PTPRB: variants seen among roughly 807,000 people sequenced by gnomAD.
PTPRB encodes protein tyrosine phosphatase receptor type B, also known as receptor-type tyrosine-protein phosphatase beta.
A neutral mutation model predicts 238.1 loss-of-function variants in PTPRB; 97 were observed. The observed-to-expected ratio is 0.41, with a 90% CI of 0.35 to 0.48. The LOEUF (loss-of-function observed/expected upper bound fraction) is 0.48. PTPRB is among the 20% of genes least tolerant of loss of function. The probability of loss-of-function intolerance (pLI) is 0.30; values close to 1 mark genes in which losing one functional copy is unlikely to be tolerated. For synonymous variants in PTPRB, 970 were observed against 995.4 expected, an observed-to-expected ratio of 0.97 and a Z score of 0.48; for missense variants, 2,292 against 2,681.9, an observed-to-expected ratio of 0.85 and a Z score of 3.21.
At chr12:70,630,267 T>A (rs558795142) in intron 2 of PTPRB, among the ~76,000 whole-genome samples, 1 of 152,140 alleles carries the variant, frequency 6.6e-6, no homozygotes, top group South Asian at 2.1e-4. Flanking sequence ...GTTCAACATA[T>A]GCAAATCAAT....
intron 3 of PTPRB, among the ~76,000 whole-genome samples, chr12:70,611,737 A>T (rs2583996): frequency 0.19 from 29,271 of 152,186 alleles, 4,085 homozygotes; most frequent in African/African-American, 0.38. Context: ...GTTAACAAAC[A>T]CTCAAAGAAG....
In PTPRB at chr12:70,626,296, C is replaced by CATCCATCTATCTATCT. The variant is rs1340352590; in HGVS notation, c.452-3651_452-3650insAGATAGATAGATGGAT. Among the ~76,000 whole-genome samples the CATCCATCTATCTATCT allele has an allele frequency of 4.4e-5, 4 of 91,940 alleles. No homozygotes were observed. In the East Asian group the frequency reaches 1.3e-3, roughly 30 times the overall value. 60.3% of individuals were successfully genotyped at this position (91,940 alleles called of 152,430 possible). On this transcript the variant is annotated intron_variant, in intron 2 of 33. Coordinates refer to ENST00000334414, the MANE Select transcript of PTPRB (RefSeq NM_001109754.4). ...TAGAAAAGGATGATGTCTATCCATC[C>CATCCATCTATCTATCT]ATCTATCTATCTATCTATCTATCTA...
At chr12:70,544,843 A>C (rs541846907) in intron 21 of PTPRB, among the ~76,000 whole-genome samples, 180 bp from the exon 22 acceptor site, 2 of 152,174 alleles carry the variant, frequency 1.3e-5, no homozygotes, top group Non-Finnish European at 2.9e-5. Context: ...ATAAATATTT[A>C]TTGAGCCCCT....
In PTPRB at chr12:70,587,224, T is replaced by A; in HGVS notation, c.2094A>T (p.Glu698Asp). Residue 698 changes from glutamate to aspartate, a missense_variant, in exon 9 of 34, where the codon GAA (glutamate) becomes GAT (aspartate). By Grantham distance (45) the Glu-to-Asp change is conservative (BLOSUM62 2). Around this residue, in one of 4 missense-constraint regions of PTPRB, gnomAD observed 1,205 missense variants for 1,287.8 expected, o/e 0.94. Coordinates refer to ENST00000334414, the MANE Select transcript of PTPRB (RefSeq NM_001109754.4). ...TCTGCCACATGATACTCAGTGAGGT[T>A]TCATTGGCATGTTTGACACGAAGCT... ...VLQLRVKHAN[E>D]TSLSIMWQTP... 1 of 1,613,884 alleles carries A rather than the reference T, an allele frequency of 6.2e-7. No homozygotes were observed. The highest frequency in any genetic ancestry group is 8.5e-7 in the Non-Finnish European group (1 of 1,179,812).
At chr12:70,529,413 C>T (rs412394) in intron 32 of PTPRB, among the ~76,000 whole-genome samples, 55,039 of 151,918 alleles carry the variant, frequency 0.36, 10,395 homozygotes, top group East Asian at 0.53. Flanking sequence ...ATTTACAATA[C>T]GATAACCTCC....
At chr12:70,572,676 G>A (rs61930309) in intron 11 of PTPRB, among the ~76,000 whole-genome samples, 28,229 of 150,936 alleles carry the variant, frequency 0.19, 2,761 homozygotes, top group South Asian at 0.21. Context: ...GGCTGAGATG[G>A]AAGAATCACT....
chr12:70,602,662 G>C (rs181796200), intron 4 of PTPRB, among the ~76,000 whole-genome samples: 21 of 152,296 alleles, frequency 1.4e-4, no homozygotes, highest in Admixed American at 1.1e-3. Flanking sequence ...GATGTGCAGT[G>C]GGGGAGTGGG....
rs1317144966 is a variant in PTPRB at position 70,521,046 on chromosome 12, GC to G, written c.*442del. The G allele has an allele frequency of 1.3e-5, 2 of 154,210 alleles. No homozygotes were observed. The highest frequency in any genetic ancestry group is 4.8e-5 in the African/African-American group (2 of 41,466). 9.6% of individuals were successfully genotyped at this position (154,210 alleles called of 1,614,324 possible). A position where few individuals can be genotyped will look rare whatever the true frequency, so the allele number is the denominator to read the frequency against. ...TCGAGATTCATGGGACAGCAATGCA[GC>G]AAATCTAGCCATAGTATTTGCTCTC... On this transcript the variant is annotated 3_prime_UTR_variant, in exon 34 of 34. Coordinates refer to ENST00000334414, the MANE Select transcript of PTPRB (RefSeq NM_001109754.4).
chr12:70,591,947 T>C (rs1882530125), intron 7 of PTPRB: 1 of 298,776 alleles, frequency 3.3e-6, no homozygotes, highest in East Asian at 7.7e-5. Context: ...TAAAATAATG[T>C]ATGGAAAACA....
intron 12 of PTPRB, 62 bp from the exon 13 acceptor site, chr12:70,571,351 A>C: frequency 7.0e-7 from 1 of 1,433,474 alleles, no homozygotes; most frequent in Middle Eastern, 1.8e-4. Flanking sequence ...CCTACATAAT[A>C]ATTTATGAAT....
intron 2 of PTPRB, 99 bp from the exon 3 acceptor site, chr12:70,622,745 A>C: frequency 7.5e-7 from 1 of 1,338,892 alleles, no homozygotes; most frequent in Non-Finnish European, 1.0e-6. Flanking sequence ...CTTTTCAATA[A>C]TGGGCATGTG....
At chr12:70,590,838 A>C (rs1882417783) in intron 7 of PTPRB, among the ~76,000 whole-genome samples, 1 of 147,588 alleles carries the variant, frequency 6.8e-6, no homozygotes, top group African/African-American at 2.5e-5. Context: ...GCCTTTGCTT[A>C]TTTTGTCCCC....
chr12:70,524,618 G>T, intron 32 of PTPRB, 27 bp from the exon 33 acceptor site: 1 of 1,596,300 alleles, frequency 6.3e-7, no homozygotes, highest in Non-Finnish European at 8.5e-7. Context: ...ACATGTCAGA[G>T]GAGGGCCTGT....
chr12:70,553,117 C>T, intron 20 of PTPRB, 97 bp from the exon 21 acceptor site: 1 of 1,369,702 alleles, frequency 7.3e-7, no homozygotes, highest in Non-Finnish European at 1.0e-6. Flanking sequence ...TCCACATCCA[C>T]TATCTCTGGC....
chr12:70,579,913 C>G (rs1449220847), intron 10 of PTPRB, among the ~76,000 whole-genome samples: 3 of 151,968 alleles, frequency 2.0e-5, no homozygotes, highest in Non-Finnish European at 2.9e-5. Context: ...ATGATGCCTG[C>G]AGCTGATAAA....
chr12:70,533,809 G>A (rs534282285), intron 31 of PTPRB, among the ~76,000 whole-genome samples: 70 of 152,238 alleles, frequency 4.6e-4, no homozygotes, highest in African/African-American at 1.5e-3. Context: ...TGTCTGCTCT[G>A]GAGGACACAG....
intron 31 of PTPRB, among the ~76,000 whole-genome samples, chr12:70,533,507 T>C (rs541553348): frequency 2.6e-5 from 4 of 152,290 alleles, no homozygotes; most frequent in Admixed American, 6.5e-5. Flanking sequence ...ACTTGTTAGG[T>C]TGATTTTCTG....
chr12:70,628,916 C>T (rs1885323231), intron 2 of PTPRB, among the ~76,000 whole-genome samples: 1 of 152,088 alleles, frequency 6.6e-6, no homozygotes, highest in Non-Finnish European at 1.5e-5. Context: ...TTGGATTGCA[C>T]AGAAGACAAA....
intron 2 of PTPRB, among the ~76,000 whole-genome samples, chr12:70,631,949 T>C (rs932713430): frequency 6.6e-5 from 10 of 152,154 alleles, no homozygotes; most frequent in African/African-American, 2.2e-4. Flanking sequence ...GGAGAGGATG[T>C]GGAGAAATTG....
Sources: allele counts gnomAD v4.1 joint callset (sites outside exome capture counted in the v4.1 genomes callset), GRCh38; gene constraint gnomAD v4.1.1; regional missense constraint gnomAD v4.1.1; transcripts MANE v1.5; gene names NCBI Gene and HGNC (gene_info 2026-07-23, HGNC 2026-07-21).